The following ZBTB7C variants were observed in gnomAD, a reference collection of about 807,000 sequenced individuals.
ZBTB7C encodes the protein zinc finger and BTB domain-containing protein 7C.
Under a neutral mutation model 25.7 loss-of-function variants are expected in ZBTB7C, and 8 were observed. That is an observed-to-expected ratio of 0.31 (90% confidence interval 0.18 to 0.56). The LOEUF (loss-of-function observed/expected upper bound fraction) is 0.56. Ranked by LOEUF, ZBTB7C falls within the 20% of genes least tolerant of loss-of-function variation. The probability of loss-of-function intolerance (pLI) is 0.91; values close to 1 mark genes in which losing one functional copy is unlikely to be tolerated. For missense variants in ZBTB7C, 824 were observed against 855.2 expected, an observed-to-expected ratio of 0.96 and a Z score of 0.46; for synonymous variants, 394 against 369.0, an observed-to-expected ratio of 1.07 and a Z score of -0.78.
At chr18:48,266,717 C>T (rs1303967394) in intron 2 of ZBTB7C, among the ~76,000 whole-genome samples, 2 of 152,196 alleles carry the variant, frequency 1.3e-5, no homozygotes, top group African/African-American at 4.8e-5. Flanking sequence ...TAGTCTACTC[C>T]TGCCTAAGCA....
At chr18:48,041,854 CAATATA>C (rs2036258429) in intron 3 of ZBTB7C, among the ~76,000 whole-genome samples, 1 of 151,506 alleles carries the variant, frequency 6.6e-6, no homozygotes, top group East Asian at 1.9e-4. Context: ...AAATATAATG[CAATATA>C]AATATAAATT....
intron 1 of ZBTB7C, among the ~76,000 whole-genome samples, chr18:48,404,943 C>G (rs1392740083): frequency 4.6e-5 from 7 of 152,238 alleles, no homozygotes; most frequent in Non-Finnish European, 1.5e-5. Flanking sequence ...CCCACAGCCA[C>G]AGCTGTCCAG....
At chr18:48,388,490 C>T (rs1045436509) in intron 1 of ZBTB7C, among the ~76,000 whole-genome samples, 5 of 152,096 alleles carry the variant, frequency 3.3e-5, no homozygotes, top group South Asian at 2.1e-4. Context: ...TGATTGAAAA[C>T]GTATTTTCAA....
intron 3 of ZBTB7C, among the ~76,000 whole-genome samples, chr18:48,054,654 C>T (rs1326213413): frequency 3.9e-5 from 6 of 152,154 alleles, no homozygotes; most frequent in Non-Finnish European, 5.9e-5. Flanking sequence ...AAGCAAACGC[C>T]GTCCACCACG....
chr18:48,088,546 G>A (rs2038282498), intron 3 of ZBTB7C, among the ~76,000 whole-genome samples: 1 of 152,206 alleles, frequency 6.6e-6, no homozygotes, highest in Admixed American at 6.5e-5. Context: ...GAAGGAAACT[G>A]GCCAGCCCTA....
At chr18:48,344,365 G>A (rs1329542194) in intron 1 of ZBTB7C, among the ~76,000 whole-genome samples, 1 of 152,220 alleles carries the variant, frequency 6.6e-6, no homozygotes, top group Admixed American at 6.5e-5. Flanking sequence ...TGCAGGTGCT[G>A]TTCAGTAGGT....
chr18:48,297,422 C>T lies in ZBTB7C; in HGVS notation c.-79+40752G>A, dbSNP rs535774375. 3.9e-5 allele frequency among the ~76,000 whole-genome samples: 6 copies of T among 152,284 alleles called. No homozygotes were observed. The South Asian group carries it at 8.3e-4, about 21-fold the overall frequency. ...TCTGGTCCCACTCCCCACTGCCCTT[C>T]CCTGGAGAGAGGCTCTGTCATGCAT... On this transcript the variant is annotated intron_variant, in intron 2 of 4. Transcript: ENST00000590800.
Position 48,298,854 on chromosome 18 carries a change from A to G in ZBTB7C, c.-79+39320T>C, listed in dbSNP as rs535143928. ...CTTGGGTTCTCATCAGAAGCTATCT[A>G]TGGAATGAAGAACAGCAGAGCACAG... On this transcript the variant is annotated intron_variant, in intron 2 of 4. Coordinates refer to ENST00000590800, the MANE Select transcript of ZBTB7C (RefSeq NM_001318841.2). Among the ~76,000 whole-genome samples the G allele has an allele frequency of 2.0e-5, 3 of 152,292 alleles. No homozygotes were observed. The South Asian group carries it at 6.2e-4, about 32-fold the overall frequency.
chr18:48,036,172 T>C (rs773174262), intron 4 of ZBTB7C, among the ~76,000 whole-genome samples: 1 of 152,212 alleles, frequency 6.6e-6, no homozygotes, highest in South Asian at 2.1e-4. Context: ...CTGGCTGGAA[T>C]CTAGAGCTGC....
At chr18:48,300,375 A>C (rs1207612840) in intron 2 of ZBTB7C, among the ~76,000 whole-genome samples, 1 of 152,180 alleles carries the variant, frequency 6.6e-6, no homozygotes, top group African/African-American at 2.4e-5. Flanking sequence ...CTTTACTAGC[A>C]GGGAGTTTGT....
chr18:48,247,014 G>T (rs773611582), intron 2 of ZBTB7C, among the ~76,000 whole-genome samples: 56 of 152,228 alleles, frequency 3.7e-4, no homozygotes, highest in Non-Finnish European at 1.0e-4. Context: ...TTGCAAGCAA[G>T]TGTTGCCTCA....
intron 3 of ZBTB7C, among the ~76,000 whole-genome samples, chr18:48,119,395 CTT>C (rs1441864575): frequency 6.6e-6 from 1 of 152,266 alleles, no homozygotes; most frequent in Non-Finnish European, 1.5e-5. Context: ...GCAAGCGAGT[CTT>C]TGTTCCTACT....
At chr18:48,311,755 A>G (rs1457480353) in intron 2 of ZBTB7C, among the ~76,000 whole-genome samples, 2 of 152,232 alleles carry the variant, frequency 1.3e-5, no homozygotes, top group Non-Finnish European at 2.9e-5. Flanking sequence ...CATGGCTGAC[A>G]GTAAAGATAT....
chr18:48,157,377 G>T (rs1303447247), intron 3 of ZBTB7C, among the ~76,000 whole-genome samples: 2 of 152,138 alleles, frequency 1.3e-5, no homozygotes, highest in African/African-American at 4.8e-5. Flanking sequence ...AATAAGAGCT[G>T]CCAGAGCCTG....
At chr18:48,097,337 G>C (rs531636626) in intron 3 of ZBTB7C, among the ~76,000 whole-genome samples, 3 of 152,168 alleles carry the variant, frequency 2.0e-5, no homozygotes, top group Non-Finnish European at 2.9e-5. Flanking sequence ...CAAGATGAGA[G>C]AGCATATGGT....
intron 1 of ZBTB7C, among the ~76,000 whole-genome samples, chr18:48,408,973 G>C (rs2048345433): frequency 6.7e-6 from 1 of 150,156 alleles, no homozygotes; most frequent in Non-Finnish European, 1.5e-5. Context: ...GCCGCACGGA[G>C]CCCCTGAATA....
chr18:48,309,149 C>G (rs2045751586), intron 2 of ZBTB7C, among the ~76,000 whole-genome samples: 1 of 152,214 alleles, frequency 6.6e-6, no homozygotes, highest in African/African-American at 2.4e-5. Context: ...GAGCCCCGCA[C>G]TGCTGGAAAA....
Position 48,233,614 on chromosome 18 carries a change from T to C in ZBTB7C, c.-78-47619A>G, listed in dbSNP as rs556340532. 3.9e-5 allele frequency among the ~76,000 whole-genome samples: 6 copies of C among 152,328 alleles called. No homozygotes were observed. The East Asian group carries it at 1.2e-3, about 29-fold the overall frequency. ...CCAGCTTCCTAGCAGTTAAGGACACTTGTGAAACACCTGTACTCAGAAACG... is the reference window on the plus strand; with the variant it reads ...CCAGCTTCCTAGCAGTTAAGGACACCTGTGAAACACCTGTACTCAGAAACG... On this transcript the variant is annotated intron_variant, in intron 2 of 4. Transcript: ENST00000590800.
At chr18:48,405,667 A>G (rs1471880171) in intron 1 of ZBTB7C, among the ~76,000 whole-genome samples, 2 of 152,158 alleles carry the variant, frequency 1.3e-5, no homozygotes, top group African/African-American at 4.8e-5. Context: ...GAAGCCCTGC[A>G]GGATGCTGCA....
Sources: allele counts gnomAD v4.1 joint callset (sites outside exome capture counted in the v4.1 genomes callset), GRCh38; gene constraint gnomAD v4.1.1; transcripts MANE v1.5; gene names NCBI Gene and HGNC (gene_info 2026-07-23, HGNC 2026-07-21).